Variants in PTPRD observed in about 807,000 individuals in gnomAD.
The protein encoded by PTPRD is protein tyrosine phosphatase receptor type D.
A neutral mutation model predicts 214.5 loss-of-function variants in PTPRD; 34 were observed. That is an observed-to-expected ratio of 0.16 (90% CI 0.12 to 0.21). The LOEUF (loss-of-function observed/expected upper bound fraction) is 0.21, where lower values mean the gene tolerates loss of function less well. PTPRD is among the 10% of genes least tolerant of loss of function. The probability of loss-of-function intolerance (pLI) is 1.00; values close to 1 mark genes in which losing one functional copy is unlikely to be tolerated. For missense variants in PTPRD, 2,545 were observed against 2,398.7 expected (o/e 1.06, Z -1.27); for synonymous variants, 1,128 against 845.7 (o/e 1.33, Z -5.79).
chr9:10,257,380 G>A (rs995536474), intron 3 of PTPRD, among the ~76,000 whole-genome samples: 3 of 152,110 alleles, frequency 2.0e-5, no homozygotes, highest in Non-Finnish European at 4.4e-5. Flanking sequence ...AAGGCTCCCA[G>A]GGGCTATGGC....
chr9:8,859,615 A>G (rs1346395150), intron 11 of PTPRD, among the ~76,000 whole-genome samples: 2 of 152,154 alleles, frequency 1.3e-5, no homozygotes, highest in African/African-American at 4.8e-5. Flanking sequence ...ACACCCTTAG[A>G]TTTGACTTAA....
chr9:9,407,013 A>G (rs544781919), intron 8 of PTPRD, among the ~76,000 whole-genome samples: 1 of 151,880 alleles, frequency 6.6e-6, no homozygotes, highest in African/African-American at 2.4e-5. Flanking sequence ...CCCTCTCTGA[A>G]CTTCAGTTTT....
At chr9:10,214,429 ATTTTT>A (rs35115543) in intron 3 of PTPRD, among the ~76,000 whole-genome samples, 28 of 120,736 alleles carry the variant, frequency 2.3e-4, no homozygotes, top group African/African-American at 8.2e-4. Context: ...AAGCCCAACT[ATTTTT>A]TTTTTTTTTT....
At chr9:8,329,825 A>T (rs1234556931) in intron 44 of PTPRD, among the ~76,000 whole-genome samples, 1 of 152,122 alleles carries the variant, frequency 6.6e-6, no homozygotes, top group Non-Finnish European at 1.5e-5. Context: ...TAAAACAAAC[A>T]GCCTACTCTA....
chr9:10,438,570 T>G (rs2154522704), intron 2 of PTPRD, among the ~76,000 whole-genome samples: 1 of 151,822 alleles, frequency 6.6e-6, no homozygotes, highest in African/African-American at 2.4e-5. Context: ...ACTGGTTGAT[T>G]TCACATTCCA....
intron 36 of PTPRD, among the ~76,000 whole-genome samples, chr9:8,400,301 G>T (rs1323792117): frequency 6.6e-6 from 1 of 152,116 alleles, no homozygotes; most frequent in African/African-American, 2.4e-5. Flanking sequence ...TGGTCAACAA[G>T]AAATTAAAGA....
chr9:9,533,098 C>T (rs893953773), intron 8 of PTPRD, among the ~76,000 whole-genome samples: 1 of 152,100 alleles, frequency 6.6e-6, no homozygotes, highest in Non-Finnish European at 1.5e-5. Flanking sequence ...TAGCATTTTG[C>T]ATATAGATAG....
chr9:8,973,281 ATG>A (rs1461309130), intron 11 of PTPRD, among the ~76,000 whole-genome samples: 1 of 151,802 alleles, frequency 6.6e-6, no homozygotes, highest in Non-Finnish European at 1.5e-5. Flanking sequence ...TGCGCGCTCA[ATG>A]TTTAGCTCCC....
chr9:9,748,033 C>T lies in PTPRD; in HGVS notation c.-325-13462G>A, dbSNP rs564241648. Among the ~76,000 whole-genome samples, 5 of 152,138 alleles carry T rather than the reference C, an allele frequency of 3.3e-5. No individual in the cohort carries two copies. In the South Asian group the frequency reaches 1.0e-3, roughly 32 times the overall value. On this transcript the variant is annotated intron_variant, in intron 6 of 45. Coordinates refer to ENST00000381196, the MANE Select transcript of PTPRD (RefSeq NM_002839.4). ...CGTGGAGATCACAGCTCTTGGAATC[C>T]AGAAAAATGGCATGAACTGAATGGC... is the stretch of plus-strand genomic sequence containing the variant.
intron 2 of PTPRD, among the ~76,000 whole-genome samples, chr9:10,407,784 T>C (rs760283467): frequency 2.0e-5 from 3 of 151,598 alleles, no homozygotes; most frequent in Admixed American, 6.6e-5. Context: ...AGATTTCTAA[T>C]AAAATGGTAA....
At chr9:9,558,246 T>C (rs2082020463) in intron 8 of PTPRD, among the ~76,000 whole-genome samples, 1 of 152,152 alleles carries the variant, frequency 6.6e-6, no homozygotes, top group Non-Finnish European at 1.5e-5. Context: ...TTACAGACAA[T>C]AGTGGCACAG....
intron 9 of PTPRD, among the ~76,000 whole-genome samples, chr9:9,274,296 T>C (rs909111383): frequency 3.3e-5 from 5 of 151,372 alleles, no homozygotes; most frequent in African/African-American, 1.2e-4. Context: ...GTTACTTATA[T>C]GCTTTACGCT....
intron 10 of PTPRD, among the ~76,000 whole-genome samples, chr9:9,027,608 T>C (rs1490805893): frequency 6.6e-6 from 1 of 151,916 alleles, no homozygotes; most frequent in Non-Finnish European, 1.5e-5. Flanking sequence ...ATCATAAAAA[T>C]CTTCAGGACC....
intron 3 of PTPRD, among the ~76,000 whole-genome samples, chr9:10,045,387 G>A (rs1388356498): frequency 1.3e-5 from 2 of 151,666 alleles, no homozygotes; most frequent in Admixed American, 6.6e-5. Flanking sequence ...ATTAGCATCT[G>A]TATAAAGTGG....
intron 12 of PTPRD, among the ~76,000 whole-genome samples, chr9:8,729,034 G>A (rs927477082): frequency 6.6e-6 from 1 of 152,038 alleles, no homozygotes; most frequent in East Asian, 1.9e-4. Flanking sequence ...CATATCAATG[G>A]CCACTCACTC....
chr9:9,234,790 A>G (rs1269697162), intron 9 of PTPRD, among the ~76,000 whole-genome samples: 3 of 152,118 alleles, frequency 2.0e-5, no homozygotes, highest in African/African-American at 7.2e-5. Flanking sequence ...CCTGGACTTC[A>G]TTGTCCATAC....
At chr9:9,277,258 C>T (rs931252389) in intron 9 of PTPRD, among the ~76,000 whole-genome samples, 4 of 151,326 alleles carry the variant, frequency 2.6e-5, no homozygotes, top group African/African-American at 9.7e-5. Flanking sequence ...TCTTTCTCTA[C>T]CAGTTCATTC....
intron 3 of PTPRD, among the ~76,000 whole-genome samples, chr9:10,256,827 C>T (rs905951756): frequency 6.6e-6 from 1 of 152,144 alleles, no homozygotes; most frequent in Non-Finnish European, 1.5e-5. Context: ...GGTGTTTCCC[C>T]TGCAAGGAAT....
At chr9:8,728,871 TC>T (rs2098621202) in intron 12 of PTPRD, among the ~76,000 whole-genome samples, 1 of 152,082 alleles carries the variant, frequency 6.6e-6, no homozygotes, top group African/African-American at 2.4e-5. Context: ...TCCCAGCTAC[TC>T]GGGAGGCTGA....
Sources: gnomAD v4.1 joint callset for allele counts (sites outside exome capture counted in the v4.1 genomes callset) on GRCh38, gnomAD v4.1.1 for gene constraint, MANE v1.5 for transcripts, NCBI Gene and HGNC (gene_info 2026-07-23, HGNC 2026-07-21) for gene names.